CYP2F1: variants seen among roughly 807,000 people sequenced by gnomAD.
CYP2F1 encodes cytochrome P450 family 2 subfamily F member 1, also known as cytochrome P450 2F1.
In CYP2F1, 33 loss-of-function variants were observed where a neutral mutation model predicts 40.4. The observed-to-expected ratio is 0.82, with a 90% confidence interval of 0.62 to 1.09. The LOEUF is 1.09. Among genes scored for constraint, CYP2F1 ranks in the 50% least tolerant of loss-of-function variants. CYP2F1 has a pLI of 0.00. For synonymous variants in CYP2F1, 235 were observed against 277.2 expected (o/e 0.85, Z 1.51); for missense variants, 566 against 655.7 (o/e 0.86, Z 1.49).
At chr19:41,122,735 C>T (rs1285754465) in intron 6 of CYP2F1, 87 bp from the exon 7 acceptor site, 32 of 1,377,608 alleles carry the variant, frequency 2.3e-5, no homozygotes, top group Middle Eastern at 1.9e-4. Flanking sequence ...CAGCTGGGAC[C>T]GAATGGGCCC....
chr19:41,114,770 TTC>T (rs201163201), intron 1 of CYP2F1, among the ~76,000 whole-genome samples: 177 of 134,760 alleles, frequency 1.3e-3, no homozygotes, highest in African/African-American at 3.9e-3. Context: ...CTCCGTCTCT[TTC>T]TCTCTCTCTC....
rs199722558 is a variant in CYP2F1 at position 41,116,294 on chromosome 19, C to T, written c.106C>T (p.Pro36Ser). The change falls in exon 2 of 10, where the codon CCC becomes TCC. Residue 36 changes from proline to serine, a missense_variant. Physicochemically the swap from Pro to Ser is moderately conservative, Grantham distance 74 (BLOSUM62 -1). This residue lies in a region of CYP2F1 where 264 missense variants were observed against 275.7 expected (regional missense o/e 0.96). Transcript: ENST00000331105. ...GGGAAAGCTGCCTCCGGGACCCAGA[C>T]CCCTCTCAATCCTGGGAAACCTGCT... Reference protein sequence around the residue: ...DKGKLPPGPRPLSILGNLLLL... With the variant: ...DKGKLPPGPRSLSILGNLLLL... The T allele has an allele frequency of 5.6e-6, 9 of 1,614,124 alleles. No individual in the cohort carries two copies. The East Asian group carries it at 2.0e-4, about 36-fold the overall frequency.
In CYP2F1 at chr19:41,116,342, C is replaced by T. The variant is rs2031803041; in HGVS notation, c.154C>T (p.Leu52=). Residue 52 remains leucine (L), a synonymous_variant, in exon 2 of 10, where the codon CTG becomes TTG. Transcript: ENST00000331105. ...GCTGCTGCTTTGCTCCCAAGACATG[C>T]TGACTTCTCTCACTAAGGTGCAAGG... ...NLLLLCSQDM[L]TSLTKLSKEY... 1.9e-6 allele frequency: 3 copies of T among 1,614,036 alleles called. No homozygotes were observed. The highest frequency in any genetic ancestry group is 2.2e-5 in the South Asian group (2 of 91,076).
rs58894601 is a variant in CYP2F1 at position 41,123,110 on chromosome 19, G to C, written c.964+147G>C. 4.4e-6 allele frequency: 4 copies of C among 910,174 alleles called. No individual in the cohort carries two copies. The African/African-American group carries it at 6.6e-5, about 15-fold the overall frequency. 56.4% of individuals were successfully genotyped at this position (910,174 alleles called of 1,614,324 possible). A position where few individuals can be genotyped will look rare whatever the true frequency, so the allele number is the denominator to read the frequency against. Reference sequence around the variant, plus strand: ...AGCCAAACCCACAAACCCACACGGAGGCCGATCCCACCACATGGCCCATGA... The same window carrying C: ...AGCCAAACCCACAAACCCACACGGACGCCGATCCCACCACATGGCCCATGA... On this transcript the variant is annotated intron_variant, in intron 7 of 9. Transcript: ENST00000331105.
At chr19:41,122,683 C>T (rs1599679381) in intron 6 of CYP2F1, 139 bp from the exon 7 acceptor site, 1 of 847,702 alleles carries the variant, frequency 1.2e-6, no homozygotes, top group Non-Finnish European at 1.7e-6. Flanking sequence ...CTGCCCTGCC[C>T]TTCTCCGTTC....
chr19:41,119,748 T>TATATATATATATATATATATATATAC (rs1337166345), intron 3 of CYP2F1, among the ~76,000 whole-genome samples: 1 of 36,104 alleles, frequency 2.8e-5, no homozygotes, highest in Non-Finnish European at 4.9e-5. Flanking sequence ...TATATATATA[T>TATATATATATATATATATATATATAC]ACACACACAC....
rs952504994 is a variant in CYP2F1 at position 41,116,289 on chromosome 19, C to A, written c.101C>A (p.Pro34His). ...GATAAGGGAAAGCTGCCTCCGGGAC[C>A]CAGACCCCTCTCAATCCTGGGAAAC... ...SRDKGKLPPG[P>H]RPLSILGNLL... Residue 34 changes from proline to histidine, a missense_variant, in exon 2 of 10, where the codon CCC becomes CAC. This residue lies in a region of CYP2F1 where 264 missense variants were observed against 275.7 expected (regional missense o/e 0.96). Coordinates refer to ENST00000331105, the MANE Select transcript of CYP2F1 (RefSeq NM_000774.5). 2.5e-6 allele frequency: 4 copies of A among 1,614,112 alleles called. No homozygotes were observed. Among genetic ancestry groups the A allele is most frequent in the Non-Finnish European group, 3.4e-6 (4 of 1,180,022 alleles).
Position 41,127,871 on chromosome 19 carries a change from C to G in CYP2F1, c.1295-30C>G, listed in dbSNP as rs745651337. ...CAGCCTCTAACCTCATCTTATCTCA[C>G]CGCCGCTCCCCATCCTGCCACCCCT... On this transcript the variant is annotated intron_variant, in intron 9 of 9. Transcript: ENST00000331105. The G allele has an allele frequency of 4.4e-6, 7 of 1,595,930 alleles. No homozygotes were observed. In the Admixed American group the frequency reaches 1.2e-4, roughly 27 times the overall value.
At chr19:41,126,511 G>A (rs1451332992) in intron 9 of CYP2F1, among the ~76,000 whole-genome samples, 1 of 152,064 alleles carries the variant, frequency 6.6e-6, no homozygotes, top group East Asian at 1.9e-4. Context: ...CATCACTTTG[G>A]GAGGCTGAGG....
chr19:41,126,109 C>T lies in CYP2F1; in HGVS notation c.1294+475C>T, dbSNP rs144336598. 8.0e-3 allele frequency among the ~76,000 whole-genome samples: 1,186 copies of T among 147,406 alleles called. 10 individuals are homozygous for T. Among genetic ancestry groups the T allele is most frequent in the South Asian group, 0.029 (136 of 4,612 alleles). ...GATTGCACCATTGTACAGAGAGAGA[C>T]TCTGTCTCAAAAAAAATAATGATAA... is the stretch of plus-strand genomic sequence containing the variant. On this transcript the variant is annotated intron_variant, in intron 9 of 9. Transcript: ENST00000331105.
At chr19:41,119,475 G>A (rs536937026) in intron 3 of CYP2F1, among the ~76,000 whole-genome samples, 11 of 151,488 alleles carry the variant, frequency 7.3e-5, no homozygotes, top group African/African-American at 2.4e-4. Context: ...TAGGCCAGGC[G>A]CAGTGGCTCA....
rs305968 is a variant in CYP2F1, at chr19:41,116,284, G to A, written c.96G>A (p.Pro32=). The A allele has an allele frequency of 0.34, 545,617 of 1,613,552 alleles. 95,891 individuals carry two copies. The highest frequency in any genetic ancestry group is 0.57 in the African/African-American group (42,644 of 74,874). The stretch of plus-strand genomic sequence containing the variant: ...CAAGAGATAAGGGAAAGCTGCCTCC[G>A]GGACCCAGACCCCTCTCAATCCTGG... ...LSSRDKGKLP[P]GPRPLSILGN... Residue 32 remains proline (P), a synonymous_variant, in exon 2 of 10, where the codon CCG becomes CCA. Transcript: ENST00000331105.
Position 41,125,620 on chromosome 19 carries a change from T to G in CYP2F1, c.1280T>G (p.Met427Arg), listed in dbSNP as rs1250442072. Residue 427 changes from methionine (M) to arginine (R), a missense_variant, in exon 9 of 10, where the codon ATG becomes AGG. Coordinates refer to ENST00000331105, the MANE Select transcript of CYP2F1 (RefSeq NM_000774.5). ...NQSFKKSPAF[M>R]PFSAGRRLCL... ...TCCTTCAAGAAGAGTCCAGCCTTCA[T>G]GCCCTTCTCAGCTGGTGAGGGCAGG... is the stretch of plus-strand genomic sequence containing the variant. 1.9e-6 allele frequency: 3 copies of G among 1,613,412 alleles called. No individual in the cohort carries two copies. The highest frequency in any genetic ancestry group is 2.2e-5 in the South Asian group (2 of 91,038).
rs768983414 is a variant in CYP2F1, at chr19:41,121,976, G to A, written c.665G>A (p.Ser222Asn). ...PWGELYDIFP[S>N]LLDWVPGPHQ... The stretch of plus-strand genomic sequence containing the variant: ...CCCCAGTTGTACGACATCTTCCCGA[G>A]CCTCCTGGACTGGGTGCCTGGGCCG... The change falls in exon 6 of 10, where the codon AGC becomes AAC. Residue 222 changes from serine to asparagine, a missense_variant. Ser to Asn is a conservative substitution (Grantham distance 46). Coordinates refer to ENST00000331105, the MANE Select transcript of CYP2F1 (RefSeq NM_000774.5). 4.3e-6 allele frequency: 7 copies of A among 1,613,306 alleles called. No individual in the cohort carries two copies. Among genetic ancestry groups the A allele is most frequent in the Non-Finnish European group, 5.9e-6 (7 of 1,179,712 alleles).
chr19:41,121,708 A>C, intron 5 of CYP2F1, 90 bp downstream of exon 5: 1 of 1,330,862 alleles, frequency 7.5e-7, no homozygotes, highest in Non-Finnish European at 1.0e-6. Context: ...AGGGCTGTGA[A>C]TGGCCCGCCC....
At chr19:41,124,330 C>T (rs1399507986) in intron 7 of CYP2F1, among the ~76,000 whole-genome samples, 2 of 139,426 alleles carry the variant, frequency 1.4e-5, no homozygotes, top group African/African-American at 2.7e-5. Flanking sequence ...GTGGCCTGAT[C>T]CCAGCTCACT....
intron 4 of CYP2F1, among the ~76,000 whole-genome samples, chr19:41,120,716 A>G (rs914030774): frequency 6.6e-6 from 1 of 152,160 alleles, no homozygotes; most frequent in Non-Finnish European, 1.5e-5. Flanking sequence ...TCCTGTGTGC[A>G]AATGATCCTC....
rs770690821 is a variant in CYP2F1, at chr19:41,122,949, A to G, written c.950A>G (p.Tyr317Cys). Residue 317 changes from tyrosine to cysteine, a missense_variant, in exon 7 of 10, where the codon TAC becomes TGC. By Grantham distance (194) the Tyr-to-Cys change is radical. Around this residue, in one of 5 missense-constraint regions of CYP2F1, gnomAD observed 128 missense variants for 121.0 expected, o/e 1.06. Transcript: ENST00000331105. ...CACGCCTTCCTGGCACTCATGAAGTACCCAAAAGTTCAAGGTGAGGCCCAC... is the reference window on the plus strand; with the variant it reads ...CACGCCTTCCTGGCACTCATGAAGTGCCCAAAAGTTCAAGGTGAGGCCCAC... ...LHHAFLALMKYPKVQARVQEE... is the reference protein window; with the variant it reads ...LHHAFLALMKCPKVQARVQEE... 2 of 1,613,310 alleles carry G rather than the reference A, an allele frequency of 1.2e-6. No individual in the cohort carries two copies. The highest frequency in any genetic ancestry group is 3.3e-5 in the Admixed American group (2 of 59,868).
chr19:41,116,231 C>T lies in CYP2F1; in HGVS notation c.43C>T (p.Leu15Phe). Residue 15 changes from leucine (L) to phenylalanine (F), a missense_variant, in exon 2 of 10, where the codon CTC becomes TTC. This residue lies in a region of CYP2F1 where 264 missense variants were observed against 275.7 expected (regional missense o/e 0.96). Coordinates refer to ENST00000331105, the MANE Select transcript of CYP2F1 (RefSeq NM_000774.5). ...AGCCATCTTACTCCTGCTCCTGGCT[C>T]TCGTCTGTCTGCTCCTGACCCTAAG... ...STAILLLLLA[L>F]VCLLLTLSSR... 1.2e-6 allele frequency: 2 copies of T among 1,614,076 alleles called. No individual in the cohort carries two copies. Among genetic ancestry groups the T allele is most frequent in the Non-Finnish European group, 1.7e-6 (2 of 1,179,986 alleles).
Sources: gnomAD v4.1 joint callset for allele counts (sites outside exome capture counted in the v4.1 genomes callset) on GRCh38, gnomAD v4.1.1 for gene constraint, gnomAD v4.1.1 regional missense constraint, MANE v1.5 for transcripts, NCBI Gene and HGNC (gene_info 2026-07-23, HGNC 2026-07-21) for gene names.